The following FRMD5 variants were observed in gnomAD, a reference collection of about 807,000 sequenced individuals.
The protein encoded by FRMD5 is FERM domain-containing protein 5.
FRMD5 carries 20 observed loss-of-function variants against 69.0 expected under a neutral mutation model. The ratio of observed to expected loss-of-function variants is 0.29; its 90% CI spans 0.20 to 0.42. The LOEUF is 0.42. Ranked by LOEUF, FRMD5 falls within the 10% of genes least tolerant of loss-of-function variation. The pLI is 1.00. For synonymous variants in FRMD5, 271 were observed against 260.1 expected, an observed-to-expected ratio of 1.04 and a Z score of -0.40; for missense variants, 595 against 708.6, an observed-to-expected ratio of 0.84 and a Z score of 1.82.
chr15:44,102,721 T>C (rs889033368), intron 1 of FRMD5, among the ~76,000 whole-genome samples: 1 of 152,166 alleles, frequency 6.6e-6, no homozygotes, highest in Admixed American at 6.5e-5. Flanking sequence ...GTCCACAGCC[T>C]ACCCAAACCA....
Position 43,876,600 on chromosome 15 carries a change from G to T in FRMD5, c.1136-2138C>A, listed in dbSNP as rs117353643. On this transcript the variant is annotated intron_variant, in intron 13 of 13. Transcript: ENST00000417257. ...GTTTCATCAAATACCGAATATCCTT[G>T]TAAAAACCCAGCATACAGCATCTTG... Among the ~76,000 whole-genome samples the T allele has an allele frequency of 4.4e-4, 67 of 152,308 alleles. 1 individual carries two copies. The East Asian group carries it at 0.012, about 26-fold the overall frequency.
At chr15:44,160,805 C>A (rs537826586) in intron 1 of FRMD5, among the ~76,000 whole-genome samples, 23 of 152,192 alleles carry the variant, frequency 1.5e-4, no homozygotes, top group African/African-American at 5.5e-4. Flanking sequence ...TTTGATGATT[C>A]CTTGTCTATA....
intron 5 of FRMD5, among the ~76,000 whole-genome samples, chr15:43,906,260 C>T (rs1272209605): frequency 4.6e-5 from 7 of 152,208 alleles, no homozygotes; most frequent in Non-Finnish European, 1.0e-4. Context: ...CACTATGGTC[C>T]TCATCCATTC....
At chr15:44,124,458 G>T (rs1311262873) in intron 1 of FRMD5, among the ~76,000 whole-genome samples, 2 of 151,906 alleles carry the variant, frequency 1.3e-5, no homozygotes, top group Non-Finnish European at 2.9e-5. Context: ...CCAGCACTTT[G>T]GGAGGCCAAG....
At chr15:44,060,954 C>T (rs911202573) in intron 1 of FRMD5, among the ~76,000 whole-genome samples, 5 of 152,240 alleles carry the variant, frequency 3.3e-5, no homozygotes, top group Non-Finnish European at 7.3e-5. Context: ...CTATCCTCCA[C>T]AGTACTTAGA....
chr15:44,134,248 T>C (rs2077148632), intron 1 of FRMD5, among the ~76,000 whole-genome samples: 1 of 151,970 alleles, frequency 6.6e-6, no homozygotes, highest in South Asian at 2.1e-4. Flanking sequence ...CAGCTAGAAC[T>C]ACAGGTGTGC....
rs1296686207 is a variant in FRMD5, at chr15:44,004,045, C to T, written c.103-79736G>A. Among the ~76,000 whole-genome samples the T allele has an allele frequency of 2.0e-5, 3 of 152,190 alleles. No individual in the cohort carries two copies. The East Asian group carries it at 5.8e-4, about 29-fold the overall frequency. ...TGAATTGTTTCACCCCCTATTTTGGCAGCATGGTTTGACTAAAAATTTTCT... is the reference window on the plus strand; with the variant it reads ...TGAATTGTTTCACCCCCTATTTTGGTAGCATGGTTTGACTAAAAATTTTCT... On this transcript the variant is annotated intron_variant, in intron 1 of 13. Coordinates refer to ENST00000417257, the MANE Select transcript of FRMD5 (RefSeq NM_032892.5).
chr15:43,873,978 C>A lies in FRMD5; in HGVS notation c.1620G>T (p.Glu540Asp). 6.2e-7 allele frequency: 1 copy of A among 1,614,160 alleles called. No homozygotes were observed. Among genetic ancestry groups the A allele is most frequent in the South Asian group, 1.1e-5 (1 of 91,084 alleles). ...AGTATTGATAGTGGAATTGTTCAAA[C>A]TCGGGGGTCTGGCGGATATCACGGA... ...AFFRDIRQTP[E>D]FEQFHYQYFC... The change falls in exon 14 of 14, where the codon GAG (glutamate) becomes GAT (aspartate). Residue 540 changes from glutamate to aspartate, a missense_variant. By Grantham distance (45) the Glu-to-Asp change is conservative. This residue lies in a region of FRMD5 where 245 missense variants were observed against 227.1 expected (regional missense o/e 1.08). Transcript: ENST00000417257.
At chr15:43,951,146 C>A (rs766453574) in intron 1 of FRMD5, among the ~76,000 whole-genome samples, 1 of 152,032 alleles carries the variant, frequency 6.6e-6, no homozygotes, top group African/African-American at 2.4e-5. Flanking sequence ...TAGTGCCAGG[C>A]GTGGTGGCTC....
At chr15:44,014,534 C>T (rs1452165903) in intron 1 of FRMD5, among the ~76,000 whole-genome samples, 2 of 152,078 alleles carry the variant, frequency 1.3e-5, no homozygotes, top group South Asian at 2.1e-4. Flanking sequence ...GTCAGGAGTT[C>T]GAGACCAGCC....
rs538900143 is a variant in FRMD5 at position 44,055,517 on chromosome 15, C to G, written c.103-131208G>C. On this transcript the variant is annotated intron_variant, in intron 1 of 13. Coordinates refer to ENST00000417257, the MANE Select transcript of FRMD5 (RefSeq NM_032892.5). Reference sequence around the variant, plus strand: ...TGACACTATACTATCAACATAAAGTCACTATACACACTACAAGCTTTACTA... The same window carrying G: ...TGACACTATACTATCAACATAAAGTGACTATACACACTACAAGCTTTACTA... 1.9e-3 allele frequency among the ~76,000 whole-genome samples: 287 copies of G among 152,198 alleles called. 2 individuals are homozygous for G. Among genetic ancestry groups the G allele is most frequent in the African/African-American group, 6.7e-3 (280 of 41,548 alleles).
chr15:44,099,604 A>G (rs1267076077), intron 1 of FRMD5, among the ~76,000 whole-genome samples: 1 of 152,168 alleles, frequency 6.6e-6, no homozygotes, highest in Admixed American at 6.5e-5. Context: ...TCATTATTCT[A>G]TTATCTGTTC....
At position 43,876,609 on chromosome 15, in the gene FRMD5, C is replaced by G. The variant is rs2088366109; in HGVS notation, c.1136-2147G>C. 2.6e-5 allele frequency among the ~76,000 whole-genome samples: 4 copies of G among 152,220 alleles called. No homozygotes were observed. In the South Asian group the frequency reaches 8.3e-4, roughly 32 times the overall value. ...AATACCGAATATCCTTGTAAAAACCCAGCATACAGCATCTTGAGCTTATAA... is the reference window on the plus strand; with the variant it reads ...AATACCGAATATCCTTGTAAAAACCGAGCATACAGCATCTTGAGCTTATAA... On this transcript the variant is annotated intron_variant, in intron 13 of 13. Coordinates refer to ENST00000417257, the MANE Select transcript of FRMD5 (RefSeq NM_032892.5).
At chr15:44,015,138 CT>C (rs768779001) in intron 1 of FRMD5, among the ~76,000 whole-genome samples, 219 of 143,750 alleles carry the variant, frequency 1.5e-3, no homozygotes, top group Middle Eastern at 3.7e-3. Context: ...CTTACTGAAA[CT>C]TTTTTTTTTT....
At chr15:43,900,619 G>GTT (rs1200733106) in intron 7 of FRMD5, among the ~76,000 whole-genome samples, 11 of 141,988 alleles carry the variant, frequency 7.7e-5, no homozygotes, top group Non-Finnish European at 1.4e-4. Context: ...TTCATTCCTG[G>GTT]TTTTTTTTTT....
intron 1 of FRMD5, among the ~76,000 whole-genome samples, chr15:43,980,185 C>A (rs1041415851): frequency 1.3e-5 from 2 of 151,978 alleles, no homozygotes; most frequent in African/African-American, 4.8e-5. Flanking sequence ...AGTATGCTTC[C>A]AAAAAAATCA....
At chr15:44,019,473 C>T (rs575203648) in intron 1 of FRMD5, among the ~76,000 whole-genome samples, 1 of 150,780 alleles carries the variant, frequency 6.6e-6, no homozygotes, top group African/African-American at 2.4e-5. Flanking sequence ...CGGTGCCTCA[C>T]ACCTGTAACC....
chr15:43,962,815 C>T (rs150909189), intron 1 of FRMD5, among the ~76,000 whole-genome samples: 1 of 152,174 alleles, frequency 6.6e-6, no homozygotes, highest in Non-Finnish European at 1.5e-5. Flanking sequence ...AAAGGATTCC[C>T]TATTTAATAG....
intron 1 of FRMD5, among the ~76,000 whole-genome samples, chr15:44,163,668 C>A (rs1007910922): frequency 3.3e-5 from 5 of 152,188 alleles, no homozygotes; most frequent in Admixed American, 2.6e-4. Context: ...GAGTTGCTAA[C>A]TAAATCTGCA....
Sources: allele counts gnomAD v4.1 joint callset (sites outside exome capture counted in the v4.1 genomes callset), GRCh38; gene constraint gnomAD v4.1.1; regional missense constraint gnomAD v4.1.1; transcripts MANE v1.5; gene names NCBI Gene and HGNC (gene_info 2026-07-23, HGNC 2026-07-21).